IMMT: variants seen among roughly 807,000 people sequenced by gnomAD.
IMMT encodes the protein MICOS complex subunit MIC60.
Under a neutral mutation model 92.7 loss-of-function variants are expected in IMMT, and 40 were observed. The ratio of observed to expected loss-of-function variants is 0.43; its 90% CI spans 0.34 to 0.56. The LOEUF is 0.56. Among genes scored for constraint, IMMT ranks in the 20% least tolerant of loss-of-function variants. The probability of loss-of-function intolerance (pLI) is 0.03; values close to 1 mark genes in which losing one functional copy is unlikely to be tolerated. For missense variants in IMMT, 831 were observed against 912.1 expected, an observed-to-expected ratio of 0.91 and a Z score of 1.14; for synonymous variants, 322 against 336.1, an observed-to-expected ratio of 0.96 and a Z score of 0.46.
intron 13 of IMMT, among the ~76,000 whole-genome samples, chr2:86,147,491 C>T (rs1359775827): frequency 6.6e-6 from 1 of 152,216 alleles, no homozygotes; most frequent in East Asian, 1.9e-4. Flanking sequence ...CTCCTTAAAG[C>T]TCTGAAGATT....
At chr2:86,165,866 T>C (rs979524568) in intron 7 of IMMT, among the ~76,000 whole-genome samples, 19 of 152,324 alleles carry the variant, frequency 1.2e-4, no homozygotes, top group South Asian at 4.1e-4. Flanking sequence ...AGTTTACCTA[T>C]GGAAATAGCA....
chr2:86,168,108 A>G (rs908107001), intron 6 of IMMT, among the ~76,000 whole-genome samples: 7 of 152,182 alleles, frequency 4.6e-5, no homozygotes, highest in African/African-American at 1.7e-4. Context: ...AAAAATACAA[A>G]ACAAAACCCA....
chr2:86,164,633 G>C (rs1676534968), intron 7 of IMMT, among the ~76,000 whole-genome samples: 1 of 140,314 alleles, frequency 7.1e-6, no homozygotes, highest in Admixed American at 7.9e-5. Context: ...AGAGGTTGCA[G>C]TGAGCAGAGA....
At chr2:86,182,809 T>A (rs1467889886) in intron 1 of IMMT, among the ~76,000 whole-genome samples, 1 of 151,482 alleles carries the variant, frequency 6.6e-6, no homozygotes, top group African/African-American at 2.4e-5. Context: ...CAAGACTGTG[T>A]CACTCCACTC....
chr2:86,192,357 T>C (rs1002868239), intron 1 of IMMT, among the ~76,000 whole-genome samples: 1 of 151,460 alleles, frequency 6.6e-6, no homozygotes, highest in Non-Finnish European at 1.5e-5. Context: ...TTAAGAAAAA[T>C]TCCACTTTGG....
chr2:86,173,580 C>CAA (rs543469925), intron 4 of IMMT, 70 bp downstream of exon 4: 1,098 of 769,946 alleles, frequency 1.4e-3, no homozygotes, highest in Non-Finnish European at 1.7e-3. Flanking sequence ...AACTCCATCT[C>CAA]AAAAAAAAAA....
chr2:86,181,179 C>G (rs1360730132), intron 2 of IMMT, 120 bp downstream of exon 2: 1 of 649,128 alleles, frequency 1.5e-6, no homozygotes, highest in African/African-American at 1.8e-5. Flanking sequence ...AGCAAAGCTT[C>G]GGTGTATGTA....
In IMMT at chr2:86,195,405, C is replaced by G. The variant is rs1232968846; in HGVS notation, c.-23G>C. 16 of 1,545,654 alleles carry G rather than the reference C, an allele frequency of 1.0e-5. No homozygotes were observed. Among genetic ancestry groups the G allele is most frequent in the Non-Finnish European group, 1.4e-5 (16 of 1,144,788 alleles). Reference sequence around the variant, plus strand: ...CATCTCGGTCAAGCGGACGGCGCTGCTGGTGGACTCGAGCTGCCGCGGCGG... The same window carrying G: ...CATCTCGGTCAAGCGGACGGCGCTGGTGGTGGACTCGAGCTGCCGCGGCGG... On this transcript the variant is annotated 5_prime_UTR_variant, in exon 1 of 15. Coordinates refer to ENST00000410111, the MANE Select transcript of IMMT (RefSeq NM_006839.3).
intron 1 of IMMT, among the ~76,000 whole-genome samples, chr2:86,188,601 T>A (rs902779838): frequency 6.6e-6 from 1 of 152,194 alleles, no homozygotes; most frequent in African/African-American, 2.4e-5. Context: ...AATGTTTGTA[T>A]TTTTTGTAGA....
intron 2 of IMMT, among the ~76,000 whole-genome samples, chr2:86,180,884 C>A (rs1163273831): frequency 2.6e-5 from 4 of 151,094 alleles, no homozygotes; most frequent in Non-Finnish European, 5.9e-5. Context: ...GAGACTCTGT[C>A]TTTAAAAAAA....
At chr2:86,159,405 G>A (rs1376851213) in intron 9 of IMMT, 131 bp downstream of exon 9, 1 of 856,522 alleles carries the variant, frequency 1.2e-6, no homozygotes, top group East Asian at 2.7e-5. Context: ...TTTTAAAACA[G>A]TAACAACGAA....
intron 5 of IMMT, 79 bp from the exon 6 acceptor site, chr2:86,170,923 C>A: frequency 9.0e-7 from 1 of 1,115,808 alleles, no homozygotes; most frequent in Non-Finnish European, 1.3e-6. Context: ...AAAAAAGCAT[C>A]GTTTGTACTG....
chr2:86,150,927 T>TC (rs1374378738), intron 12 of IMMT, among the ~76,000 whole-genome samples: 8 of 152,134 alleles, frequency 5.3e-5, no homozygotes, highest in African/African-American at 1.9e-4. Context: ...AGTATTTTTT[T>TC]TTTTTTTTTG....
At position 86,185,105 on chromosome 2, in the gene IMMT, G is replaced by A. The variant is rs373281044; in HGVS notation, c.46-3733C>T. Among the ~76,000 whole-genome samples the A allele has an allele frequency of 3.9e-5, 6 of 152,002 alleles. No homozygotes were observed. In the East Asian group the frequency reaches 9.7e-4, roughly 25 times the overall value. ...CGGGAGGCTGAGGCAGCATGAACCC[G>A]GGAGGCAGAGCTTGCAGTGAGCCGA... On this transcript the variant is annotated intron_variant, in intron 1 of 14. Coordinates refer to ENST00000410111, the MANE Select transcript of IMMT (RefSeq NM_006839.3).
At chr2:86,152,627 G>A (rs1002723212) in intron 11 of IMMT, among the ~76,000 whole-genome samples, 19 of 151,744 alleles carry the variant, frequency 1.3e-4, no homozygotes, top group African/African-American at 4.1e-4. Context: ...CAGGCATGGG[G>A]GCACATGCCT....
At position 86,144,300 on chromosome 2, in the gene IMMT, C is replaced by T; in HGVS notation, c.2245G>A (p.Gly749Arg). 3 of 1,613,900 alleles carry T rather than the reference C, an allele frequency of 1.9e-6. No individual in the cohort carries two copies. The highest frequency in any genetic ancestry group is 2.5e-6 in the Non-Finnish European group (3 of 1,179,880). ...GGCTGCACCTGAGTGGTTCCTATTC[C>T]TACGGCGCTGGCATATGCTGTCAGG... Reference protein sequence around the residue: ...EILTAYASAVGIGTTQVQPE With the variant: ...EILTAYASAVRIGTTQVQPE The change falls in exon 15 of 15, where the codon GGA (glycine) becomes AGA (arginine). Residue 749 changes from glycine (G) to arginine (R), a missense_variant. Transcript: ENST00000410111.
intron 6 of IMMT, among the ~76,000 whole-genome samples, chr2:86,167,968 C>A (rs566773269): frequency 1.8e-4 from 27 of 151,906 alleles, no homozygotes; most frequent in Non-Finnish European, 3.7e-4. Context: ...AAACAACAAT[C>A]GTAACAGGGA....
chr2:86,183,610 G>C (rs997492069), intron 1 of IMMT, among the ~76,000 whole-genome samples: 5 of 144,572 alleles, frequency 3.5e-5, no homozygotes, highest in Admixed American at 1.4e-4. Context: ...AATATGCATA[G>C]AGTAAAATCT....
In IMMT at chr2:86,181,335, C is replaced by T. The variant is rs767527127; in HGVS notation, c.83G>A (p.Arg28Gln). 8.1e-6 allele frequency: 13 copies of T among 1,613,646 alleles called. No homozygotes were observed. Among genetic ancestry groups the T allele is most frequent in the Middle Eastern group, 1.7e-4 (1 of 6,060 alleles). ...TGAAGTAGAGTATCTGCGGCATGGT[C>T]GCAATGGACGGAGGACAAACTTCCC... ...LCGKFVLRPL[R>Q]PCRRYSTSGS... Residue 28 changes from arginine to glutamine, a missense_variant, in exon 2 of 15, where the codon CGA becomes CAA. Coordinates refer to ENST00000410111, the MANE Select transcript of IMMT (RefSeq NM_006839.3).
Sources: gnomAD v4.1 joint callset for allele counts (sites outside exome capture counted in the v4.1 genomes callset) on GRCh38, gnomAD v4.1.1 for gene constraint, MANE v1.5 for transcripts, NCBI Gene and HGNC (gene_info 2026-07-23, HGNC 2026-07-21) for gene names.